Variants in NRG1 observed in about 807,000 individuals in gnomAD.
NRG1 encodes the protein neuregulin 1.
A neutral mutation model predicts 63.8 loss-of-function variants in NRG1; 18 were observed. The observed-to-expected ratio is 0.28, with a 90% CI of 0.19 to 0.42. NRG1 has a LOEUF of 0.42. NRG1 is among the 10% of genes least tolerant of loss of function. NRG1 has a pLI of 1.00. For synonymous variants in NRG1, 302 were observed against 301.3 expected (o/e 1.00, Z -0.02); for missense variants, 762 against 814.7 (o/e 0.94, Z 0.79).
intron 1 of NRG1, among the ~76,000 whole-genome samples, chr8:32,503,301 A>C (rs1321962362): frequency 6.7e-6 from 1 of 149,442 alleles, no homozygotes; most frequent in East Asian, 2.1e-4. Context: ...AAAAAAAAAA[A>C]AAAAAAAAAA....
At chr8:32,328,021 G>T (rs1334924897) in intron 1 of NRG1, among the ~76,000 whole-genome samples, 1 of 152,196 alleles carries the variant, frequency 6.6e-6, no homozygotes. Context: ...TGGAAAGAAT[G>T]AAACCATCTT....
At chr8:32,467,185 T>C (rs761594027) in intron 1 of NRG1, among the ~76,000 whole-genome samples, 2 of 152,228 alleles carry the variant, frequency 1.3e-5, no homozygotes, top group Non-Finnish European at 2.9e-5. Flanking sequence ...AGAAAAGTAC[T>C]AGTTACATGC....
At chr8:32,140,633 T>C (rs1836126725) in intron 1 of NRG1, among the ~76,000 whole-genome samples, 1 of 152,064 alleles carries the variant, frequency 6.6e-6, no homozygotes, top group Non-Finnish European at 1.5e-5. Flanking sequence ...GGCTAATTTC[T>C]TCATTTTTTT....
intron 1 of NRG1, among the ~76,000 whole-genome samples, chr8:32,439,082 T>C (rs1462579827): frequency 6.6e-6 from 1 of 152,172 alleles, no homozygotes; most frequent in African/African-American, 2.4e-5. Flanking sequence ...TACCTAAATG[T>C]CTTTTGATAG....
At chr8:31,832,284 A>C (rs1825243957) in intron 1 of NRG1, among the ~76,000 whole-genome samples, 1 of 144,476 alleles carries the variant, frequency 6.9e-6, no homozygotes, top group Admixed American at 7.2e-5. Context: ...ATGGGGTCTC[A>C]GTCTCACTCT....
chr8:32,572,260 T>G (rs1036301140), intron 1 of NRG1, among the ~76,000 whole-genome samples: 1 of 152,126 alleles, frequency 6.6e-6, no homozygotes, highest in Non-Finnish European at 1.5e-5. Flanking sequence ...CTTAGCTTCT[T>G]TCTGCTAATT....
intron 1 of NRG1, among the ~76,000 whole-genome samples, chr8:32,028,317 G>T (rs1289784594): frequency 6.6e-6 from 1 of 152,028 alleles, no homozygotes; most frequent in African/African-American, 2.4e-5. Flanking sequence ...TGGTATTTCT[G>T]ATATGTATGG....
intron 1 of NRG1, among the ~76,000 whole-genome samples, chr8:32,593,431 ATTGT>A (rs933242503): frequency 3.3e-5 from 5 of 152,080 alleles, no homozygotes; most frequent in Non-Finnish European, 7.4e-5. Context: ...AGGCAGGCAG[ATTGT>A]TTGAGCCCAG....
At chr8:32,636,707 TGGGTGA>T (rs1385046566) in intron 5 of NRG1, among the ~76,000 whole-genome samples, 3 of 152,102 alleles carry the variant, frequency 2.0e-5, no homozygotes, top group Non-Finnish European at 4.4e-5. Flanking sequence ...AAAATGGTAT[TGGGTGA>T]GGGGAGGGGG....
chr8:32,350,779 TAA>T (rs777375043), intron 1 of NRG1, among the ~76,000 whole-genome samples: 7 of 152,080 alleles, frequency 4.6e-5, no homozygotes, highest in Non-Finnish European at 7.4e-5. Flanking sequence ...ATAAATAATA[TAA>T]GATTGTAATA....
chr8:31,958,300 T>A (rs1804820336), intron 1 of NRG1, among the ~76,000 whole-genome samples: 1 of 152,096 alleles, frequency 6.6e-6, no homozygotes, highest in African/African-American at 2.4e-5. Flanking sequence ...AATATAGGAA[T>A]AGGAAGAAAG....
chr8:31,641,151 G>A (rs959912297), intron 1 of NRG1, among the ~76,000 whole-genome samples: 1 of 152,198 alleles, frequency 6.6e-6, no homozygotes, highest in African/African-American at 2.4e-5. Flanking sequence ...AGTCCAGAGT[G>A]TGGAGATGGT....
chr8:32,697,146 T>C (rs940897634), intron 5 of NRG1, among the ~76,000 whole-genome samples: 1 of 152,148 alleles, frequency 6.6e-6, no homozygotes, highest in Non-Finnish European at 1.5e-5. Flanking sequence ...TTCAGAGAAG[T>C]GGATTGAGAA....
At chr8:32,743,348 C>T (rs1421959101) in intron 7 of NRG1, 3 of 411,724 alleles carry the variant, frequency 7.3e-6, no homozygotes, top group East Asian at 1.6e-4. Context: ...CTTCTGTTTA[C>T]GTTGCTTAGG....
chr8:31,965,405 T>G (rs1806155120), intron 1 of NRG1, among the ~76,000 whole-genome samples: 1 of 152,102 alleles, frequency 6.6e-6, no homozygotes, highest in Admixed American at 6.5e-5. Context: ...GTATTTTCAG[T>G]AGAGATGGAG....
intron 1 of NRG1, among the ~76,000 whole-genome samples, chr8:32,159,503 C>A (rs1439543032): frequency 1.4e-5 from 2 of 144,786 alleles, no homozygotes; most frequent in African/African-American, 2.7e-5. Context: ...CACTGCAGTC[C>A]GCAGTCCGGC....
At chr8:32,428,302 T>C (rs1817662420) in intron 1 of NRG1, among the ~76,000 whole-genome samples, 2 of 151,794 alleles carry the variant, frequency 1.3e-5, no homozygotes, top group Non-Finnish European at 2.9e-5. Flanking sequence ...AATTCACCTC[T>C]CCATAAAGTC....
At chr8:32,218,141 TGTCTCCTTACATATTTTAA>T (rs1404961992) in intron 1 of NRG1, among the ~76,000 whole-genome samples, 1 of 152,226 alleles carries the variant, frequency 6.6e-6, no homozygotes, top group Non-Finnish European at 1.5e-5. Flanking sequence ...TAATTCTTGC[TGTCTCCTTACATATTTTAA>T]GTTTGGCCTA....
chr8:32,415,520 T>C (rs915244038), intron 1 of NRG1, among the ~76,000 whole-genome samples: 1 of 152,224 alleles, frequency 6.6e-6, no homozygotes, highest in African/African-American at 2.4e-5. Context: ...TGGGTTGTTC[T>C]TATTTCTACA....
Sources: allele counts gnomAD v4.1 joint callset (sites outside exome capture counted in the v4.1 genomes callset), GRCh38; gene constraint gnomAD v4.1.1; transcripts MANE v1.5; gene names NCBI Gene and HGNC (gene_info 2026-07-23, HGNC 2026-07-21).